ZMYM2: variants seen among roughly 807,000 people sequenced by gnomAD.
ZMYM2 encodes the protein zinc finger MYM-type containing 2, also known as zinc finger MYM-type protein 2.
A neutral mutation model predicts 162.8 loss-of-function variants in ZMYM2; 56 were observed. The observed-to-expected ratio is 0.34, with a 90% CI of 0.28 to 0.43. The LOEUF (loss-of-function observed/expected upper bound fraction) is 0.43. ZMYM2 is among the 20% of genes least tolerant of loss of function. The probability of loss-of-function intolerance (pLI) is 1.00; values close to 1 mark genes in which losing one functional copy is unlikely to be tolerated. For synonymous variants in ZMYM2, 510 were observed against 541.6 expected (o/e 0.94, Z 0.81); for missense variants, 1,275 against 1,621.8 (o/e 0.79, Z 3.67).
At chr13:19,988,167 T>C (rs1217066396) in intron 2 of ZMYM2, among the ~76,000 whole-genome samples, 2 of 152,210 alleles carry the variant, frequency 1.3e-5, no homozygotes, top group African/African-American at 4.8e-5. Context: ...GTCACAGTTA[T>C]GTGAGAATAA....
intron 2 of ZMYM2, among the ~76,000 whole-genome samples, chr13:19,961,994 A>G (rs1955268784): frequency 1.3e-5 from 2 of 151,866 alleles, no homozygotes; most frequent in African/African-American, 4.9e-5. Context: ...CCTTTCTAAT[A>G]TCTGTTCCCT....
the ZMYM2 span, among the ~76,000 whole-genome samples, chr13:19,910,403 T>G: frequency 3.3e-5 from 5 of 152,168 alleles, no homozygotes; most frequent in Non-Finnish European, 5.9e-5. Flanking sequence ...ATGCCAGACC[T>G]ATCTCGGTTT....
chr13:19,901,391 A>T, the ZMYM2 span, among the ~76,000 whole-genome samples: 1 of 152,262 alleles, frequency 6.6e-6, no homozygotes, highest in Admixed American at 6.5e-5. Flanking sequence ...GTCCACTGAT[A>T]GATGAATTGA....
the ZMYM2 span, among the ~76,000 whole-genome samples, chr13:19,905,518 C>G: frequency 6.6e-6 from 1 of 152,156 alleles, no homozygotes; most frequent in Non-Finnish European, 1.5e-5. Flanking sequence ...TCTCACTGCT[C>G]TTCCCCTGTC....
At chr13:20,067,964 G>A in intron 21 of ZMYM2, 1 of 162,064 alleles carries the variant, frequency 6.2e-6, no homozygotes, top group Non-Finnish European at 1.4e-5. Flanking sequence ...GATCTCTTCA[G>A]AGTTTTGTTT....
chr13:19,994,688 T>C (rs1949886718), intron 3 of ZMYM2, among the ~76,000 whole-genome samples: 1 of 152,106 alleles, frequency 6.6e-6, no homozygotes, highest in African/African-American at 2.4e-5. Context: ...TTTATCATGT[T>C]GGCCAGGCCA....
the ZMYM2 span, among the ~76,000 whole-genome samples, chr13:19,912,292 G>GTT: frequency 1.0e-3 from 79 of 75,676 alleles, no homozygotes; most frequent in Non-Finnish European, 1.2e-3. Flanking sequence ...TGTTTTTTGG[G>GTT]TTTTTTTTTT....
chr13:20,077,329 G>C (rs1957579063), intron 21 of ZMYM2, among the ~76,000 whole-genome samples: 1 of 150,400 alleles, frequency 6.6e-6, no homozygotes. Flanking sequence ...ATAATTATCA[G>C]CATTTTTTTA....
intron 17 of ZMYM2, among the ~76,000 whole-genome samples, chr13:20,061,572 A>G (rs1340011668): frequency 1.3e-5 from 2 of 151,818 alleles, no homozygotes; most frequent in Non-Finnish European, 2.9e-5. Flanking sequence ...TGTAATAGTT[A>G]TCCCTAGTTT....
intron 21 of ZMYM2, chr13:20,070,436 C>A: frequency 6.1e-6 from 1 of 163,386 alleles, no homozygotes; most frequent in South Asian, 1.7e-4. Context: ...AGTCTTTTGC[C>A]AACTCTTTTA....
chr13:19,987,570 T>TAC (rs1302560424), intron 2 of ZMYM2, among the ~76,000 whole-genome samples: 1 of 146,218 alleles, frequency 6.8e-6, no homozygotes, highest in Non-Finnish European at 1.5e-5. Context: ...GGCGCCCCGC[T>TAC]ACGTGTGTGT....
chr13:19,901,303 G>A, the ZMYM2 span, among the ~76,000 whole-genome samples: 1 of 152,184 alleles, frequency 6.6e-6, no homozygotes, highest in Non-Finnish European at 1.5e-5. Context: ...ATTGAAAGCA[G>A]TAACTCAAAG....
At chr13:19,936,529 C>G in the ZMYM2 span, among the ~76,000 whole-genome samples, 1 of 151,930 alleles carries the variant, frequency 6.6e-6, no homozygotes, top group African/African-American at 2.4e-5. Flanking sequence ...TGAGACCAGC[C>G]TGGACAACAT....
intron 4 of ZMYM2, among the ~76,000 whole-genome samples, chr13:20,004,501 C>T (rs911213962): frequency 3.9e-5 from 6 of 152,122 alleles, no homozygotes; most frequent in Admixed American, 6.5e-5. Context: ...GTGATCCACC[C>T]GCCTCAGCCT....
intron 15 of ZMYM2, 25 bp downstream of exon 15, chr13:20,058,729 A>G (rs1039608030): frequency 1.2e-6 from 2 of 1,610,736 alleles, no homozygotes; most frequent in African/African-American, 1.3e-5. Flanking sequence ...TGTGACTTAC[A>G]TACTTCCCCA....
intron 2 of ZMYM2, among the ~76,000 whole-genome samples, chr13:19,981,314 CAA>C (rs60418884): frequency 3.3e-5 from 5 of 151,256 alleles, no homozygotes; most frequent in Non-Finnish European, 7.4e-5. Context: ...AAAAAAAAAA[CAA>C]AAAACAAACC....
the ZMYM2 span, among the ~76,000 whole-genome samples, chr13:19,903,269 C>A: frequency 6.6e-6 from 1 of 152,066 alleles, no homozygotes; most frequent in South Asian, 2.1e-4. Flanking sequence ...GTCAAGGCTG[C>A]AGTGAGCCAT....
the ZMYM2 span, among the ~76,000 whole-genome samples, chr13:19,921,338 C>T: frequency 6.6e-6 from 1 of 152,000 alleles, no homozygotes; most frequent in South Asian, 2.1e-4. Flanking sequence ...CAGGGTTTCA[C>T]CATGTTGGTC....
Position 19,965,382 on chromosome 13 carries a change from GGTAT to G in ZMYM2, c.-11+5359_-11+5362del, listed in dbSNP as rs1018156307. On this transcript the variant is annotated intron_variant, in intron 2 of 24. Transcript: ENST00000610343. ...GTTTTATAATCATTCATTTCAAAGA[GGTAT>G]GTCTTTTTCCTAGGAAGAATAGTGT... The G allele has an allele frequency of 5.1e-6, 3 of 582,854 alleles. No homozygotes were observed. The Middle Eastern group carries it at 1.3e-3, about 245-fold the overall frequency. 36.1% of individuals were successfully genotyped at this position (582,854 alleles called of 1,614,324 possible). A position where few individuals can be genotyped will look rare whatever the true frequency, so the allele number is the denominator to read the frequency against.
Sources: allele counts gnomAD v4.1 joint callset (sites outside exome capture counted in the v4.1 genomes callset), GRCh38; gene constraint gnomAD v4.1.1; transcripts MANE v1.5; gene names NCBI Gene and HGNC (gene_info 2026-07-23, HGNC 2026-07-21).